RXFP1: variants seen among roughly 807,000 people sequenced by gnomAD.
RXFP1 encodes relaxin family peptide receptor 1.
Under a neutral mutation model 89.8 loss-of-function variants are expected in RXFP1, and 73 were observed. The ratio of observed to expected loss-of-function variants is 0.81; its 90% CI spans 0.67 to 0.99. The LOEUF is 0.99. RXFP1 is among the 50% of genes least tolerant of loss of function. The pLI is 0.00. For missense variants in RXFP1, 793 were observed against 895.5 expected (o/e 0.89, Z 1.46); for synonymous variants, 277 against 305.5 (o/e 0.91, Z 0.97).
chr4:158,548,813 G>C (rs1214582470), intron 1 of RXFP1, among the ~76,000 whole-genome samples: 1 of 152,218 alleles, frequency 6.6e-6, no homozygotes, highest in East Asian at 1.9e-4. Flanking sequence ...TTTCTGCCGA[G>C]AGATCAGCTG....
At chr4:158,579,229 C>T (rs898782000) in intron 2 of RXFP1, among the ~76,000 whole-genome samples, 6 of 151,974 alleles carry the variant, frequency 3.9e-5, no homozygotes, top group African/African-American at 9.7e-5. Flanking sequence ...TGGTTGCAGA[C>T]GTCTGGCCTC....
intron 2 of RXFP1, among the ~76,000 whole-genome samples, chr4:158,576,217 A>G (rs565475157): frequency 1.3e-5 from 2 of 152,300 alleles, no homozygotes; most frequent in East Asian, 1.9e-4. Context: ...TGGATCTCCA[A>G]AAGTAGTCCT....
At chr4:158,536,394 T>A (rs1229568734) in intron 1 of RXFP1, among the ~76,000 whole-genome samples, 2 of 152,186 alleles carry the variant, frequency 1.3e-5, no homozygotes, top group African/African-American at 4.8e-5. Flanking sequence ...AAGAGTATGA[T>A]GAAACAGTGC....
intron 3 of RXFP1, among the ~76,000 whole-genome samples, chr4:158,598,815 T>C (rs1212838099): frequency 6.6e-6 from 1 of 151,666 alleles, no homozygotes; most frequent in Non-Finnish European, 1.5e-5. Context: ...TTTGAAGAAC[T>C]CCTGATTTTA....
chr4:158,600,875 T>A lies in RXFP1; in HGVS notation c.392+1444T>A, dbSNP rs192952564. Among the ~76,000 whole-genome samples, 278 of 151,814 alleles carry A rather than the reference T, an allele frequency of 1.8e-3. 1 individual carries two copies. The highest frequency in any genetic ancestry group is 3.1e-3 in the Non-Finnish European group (212 of 67,904). On this transcript the variant is annotated intron_variant, in intron 4 of 17. Coordinates refer to ENST00000307765, the MANE Select transcript of RXFP1 (RefSeq NM_021634.4). ...TTCATTCTATTTTCAGAGAAAAAAA[T>A]CATAATCCTTCTCCACTGCTTGTAT...
intron 12 of RXFP1, among the ~76,000 whole-genome samples, chr4:158,635,025 A>G (rs574468718): frequency 2.0e-5 from 3 of 152,030 alleles, no homozygotes; most frequent in African/African-American, 4.8e-5. Flanking sequence ...TGCATTTTCC[A>G]TATGAATTTT....
intron 1 of RXFP1, among the ~76,000 whole-genome samples, chr4:158,568,018 C>T (rs1057334235): frequency 2.0e-5 from 3 of 152,180 alleles, no homozygotes; most frequent in Admixed American, 1.3e-4. Flanking sequence ...AAGCTTCACT[C>T]CTGAAGCCAT....
At chr4:158,624,801 C>T (rs1766376760) in intron 9 of RXFP1, among the ~76,000 whole-genome samples, 1 of 151,934 alleles carries the variant, frequency 6.6e-6, no homozygotes, top group Admixed American at 6.6e-5. Context: ...CCCATAGAAA[C>T]ACATCATACA....
chr4:158,651,761 C>G lies in RXFP1; in HGVS notation c.1980C>G (p.Thr660=). The change falls in exon 18 of 18, where the codon ACC becomes ACG. Residue 660 remains threonine, a synonymous_variant. Coordinates refer to ENST00000307765, the MANE Select transcript of RXFP1 (RefSeq NM_021634.4). ...TATTTCATTTTTCTTTTTTAGGTACCATAACCTCTTGGGTAGTGATTTTTA... is the reference window on the plus strand; with the variant it reads ...TATTTCATTTTTCTTTTTTAGGTACGATAACCTCTTGGGTAGTGATTTTTA... The part of the protein sequence containing the change: ...LSLLQVEIPG[T]ITSWVVIFIL... 2 of 1,600,726 alleles carry G rather than the reference C, an allele frequency of 1.2e-6. No individual in the cohort carries two copies. Among genetic ancestry groups the G allele is most frequent in the Non-Finnish European group, 1.7e-6 (2 of 1,173,486 alleles).
At chr4:158,605,555 C>G (rs1373427574) in intron 5 of RXFP1, among the ~76,000 whole-genome samples, 2 of 152,194 alleles carry the variant, frequency 1.3e-5, no homozygotes, top group Non-Finnish European at 2.9e-5. Flanking sequence ...AATTCATTAT[C>G]CACCTAAAAT....
intron 9 of RXFP1, among the ~76,000 whole-genome samples, chr4:158,621,344 A>G (rs1765599021): frequency 6.6e-6 from 1 of 152,158 alleles, no homozygotes; most frequent in East Asian, 1.9e-4. Context: ...AAATCCATAG[A>G]TTAGATAGAC....
chr4:158,533,444 T>A (rs1215854339), intron 1 of RXFP1, among the ~76,000 whole-genome samples: 8 of 152,212 alleles, frequency 5.3e-5, no homozygotes, highest in Non-Finnish European at 1.0e-4. Context: ...ATAATCATTA[T>A]AACGAAATAC....
At chr4:158,578,944 T>G (rs1210361491) in intron 2 of RXFP1, among the ~76,000 whole-genome samples, 1 of 150,136 alleles carries the variant, frequency 6.7e-6, no homozygotes, top group Non-Finnish European at 1.5e-5. Context: ...TAATGTGACC[T>G]TATTTGGAAA....
At chr4:158,593,370 G>C in intron 2 of RXFP1, 31 bp from the exon 3 acceptor site, 1 of 1,415,004 alleles carries the variant, frequency 7.1e-7, no homozygotes, top group Admixed American at 1.7e-5. Context: ...TCTGTTCCTT[G>C]AACTTTTTTG....
intron 5 of RXFP1, among the ~76,000 whole-genome samples, chr4:158,607,494 G>C (rs548831147): frequency 5.3e-5 from 8 of 152,264 alleles, no homozygotes; most frequent in African/African-American, 1.9e-4. Flanking sequence ...TTTTAGGTTG[G>C]CTAGCACTGT....
intron 1 of RXFP1, among the ~76,000 whole-genome samples, chr4:158,533,273 A>C (rs1744498209): frequency 6.6e-6 from 1 of 152,244 alleles, no homozygotes; most frequent in African/African-American, 2.4e-5. Context: ...GTGAGGACTC[A>C]GGAAAGTTTT....
intron 2 of RXFP1, among the ~76,000 whole-genome samples, chr4:158,581,925 G>C (rs1757441380): frequency 1.3e-5 from 2 of 152,212 alleles, no homozygotes; most frequent in African/African-American, 4.8e-5. Context: ...AAGGCAGAGG[G>C]GAGCCAGTGT....
At chr4:158,540,802 A>G (rs529460914) in intron 1 of RXFP1, among the ~76,000 whole-genome samples, 1 of 152,276 alleles carries the variant, frequency 6.6e-6, no homozygotes, top group African/African-American at 2.4e-5. Context: ...AACATGCCGT[A>G]CAGGTGTGGG....
At chr4:158,621,135 CA>C (rs968860368) in intron 9 of RXFP1, among the ~76,000 whole-genome samples, 9 of 145,796 alleles carry the variant, frequency 6.2e-5, no homozygotes, top group South Asian at 2.2e-4. Context: ...GACTCTGTCT[CA>C]AAAAAAAAAT....
Sources: allele counts gnomAD v4.1 joint callset (sites outside exome capture counted in the v4.1 genomes callset), GRCh38; gene constraint gnomAD v4.1.1; transcripts MANE v1.5; gene names NCBI Gene and HGNC (gene_info 2026-07-23, HGNC 2026-07-21).